IQUB: variants seen among roughly 807,000 people sequenced by gnomAD.
The protein encoded by IQUB is IQ motif and ubiquitin-like domain-containing protein.
In IQUB, 86 loss-of-function variants were observed where a neutral mutation model predicts 86.4. The ratio of observed to expected loss-of-function variants is 1.00; its 90% CI spans 0.84 to 1.19. The LOEUF (loss-of-function observed/expected upper bound fraction) is 1.19, where lower values mean the gene tolerates loss of function less well. Among genes scored for constraint, IQUB ranks in the 50% most tolerant of loss-of-function variants. IQUB has a pLI of 0.00. For missense variants in IQUB, 946 were observed against 916.9 expected (o/e 1.03, Z -0.41); for synonymous variants, 289 against 304.5 (o/e 0.95, Z 0.53).
chr7:123,463,030 T>C (rs112131901), intron 10 of IQUB, among the ~76,000 whole-genome samples: 1 of 151,722 alleles, frequency 6.6e-6, no homozygotes, highest in Admixed American at 6.6e-5. Context: ...CATTCCTTTT[T>C]AAAGCCAGTA....
intron 8 of IQUB, among the ~76,000 whole-genome samples, chr7:123,471,084 T>G (rs183345727): frequency 3.0e-4 from 45 of 152,264 alleles, no homozygotes; most frequent in Admixed American, 2.9e-3. Flanking sequence ...TCAGAAACTT[T>G]AGATTCTCAG....
intron 3 of IQUB, among the ~76,000 whole-genome samples, chr7:123,503,850 G>A (rs1796058184): frequency 6.6e-6 from 1 of 151,938 alleles, no homozygotes; most frequent in Non-Finnish European, 1.5e-5. Flanking sequence ...AAGAGTTTTA[G>A]TGGCATTCTT....
chr7:123,493,347 T>C (rs1795557803), intron 7 of IQUB, among the ~76,000 whole-genome samples: 1 of 152,144 alleles, frequency 6.6e-6, no homozygotes, highest in African/African-American at 2.4e-5. Context: ...AAATCTCTCC[T>C]AGCCCTTCTT....
At chr7:123,515,146 C>T (rs964556910) in intron 1 of IQUB, among the ~76,000 whole-genome samples, 1 of 151,896 alleles carries the variant, frequency 6.6e-6, no homozygotes, top group Non-Finnish European at 1.5e-5. Flanking sequence ...ACAAAAACAC[C>T]ATTTTGATTA....
rs151021271 is a variant in IQUB at position 123,486,268 on chromosome 7, C to T, written c.1235-6298G>A. Among the ~76,000 whole-genome samples the T allele has an allele frequency of 7.9e-5, 12 of 152,264 alleles. No homozygotes were observed. The East Asian group carries it at 2.3e-3, about 29-fold the overall frequency. ...TATGTACCCAACAGTGATAATAATGCTTTCCAACACAGTGACATGCACTGA... is the reference window on the plus strand; with the variant it reads ...TATGTACCCAACAGTGATAATAATGTTTTCCAACACAGTGACATGCACTGA... On this transcript the variant is annotated intron_variant, in intron 7 of 12. Transcript: ENST00000324698.
At chr7:123,462,793 G>A (rs759181821) in intron 10 of IQUB, 2 of 454,428 alleles carry the variant, frequency 4.4e-6, no homozygotes, top group East Asian at 7.0e-5. Flanking sequence ...TATAGATGGA[G>A]CATTTACTAT....
chr7:123,469,237 A>G lies in IQUB; in HGVS notation c.1558T>C (p.Leu520=). 6.3e-7 allele frequency: 1 copy of G among 1,597,710 alleles called. No homozygotes were observed. The highest frequency in any genetic ancestry group is 1.3e-5 in the African/African-American group (1 of 74,636). The change falls in exon 9 of 13, where the codon TTA becomes CTA. Residue 520 remains leucine, a synonymous_variant. Transcript: ENST00000324698. ...ISQDERLDVL[L]TLKHTVKEHE... The stretch of plus-strand genomic sequence containing the variant: ...ACCTTTACAGTGTGTTTAAGAGTTA[A>G]CAGCACATCCAGCCTCTCATCTTGG...
intron 3 of IQUB, 28 bp from the exon 4 acceptor site, chr7:123,503,391 GTT>G: frequency 8.0e-7 from 1 of 1,257,716 alleles, no homozygotes; most frequent in Non-Finnish European, 1.1e-6. Context: ...ATTTTTAAAA[GTT>G]TTATGACAAA....
At chr7:123,531,994 T>G (rs1439044121) in intron 1 of IQUB, among the ~76,000 whole-genome samples, 5 of 152,204 alleles carry the variant, frequency 3.3e-5, no homozygotes, top group Non-Finnish European at 5.9e-5. Flanking sequence ...CTGGCAAAGC[T>G]TCTAGTTAAA....
intron 9 of IQUB, among the ~76,000 whole-genome samples, chr7:123,467,556 CA>C (rs1361673654): frequency 6.6e-6 from 1 of 152,134 alleles, no homozygotes; most frequent in Non-Finnish European, 1.5e-5. Flanking sequence ...TATGTGAAAA[CA>C]AAAATTAAAT....
chr7:123,459,159 A>C (rs1173434569), intron 11 of IQUB, among the ~76,000 whole-genome samples: 1 of 151,982 alleles, frequency 6.6e-6, no homozygotes, highest in Non-Finnish European at 1.5e-5. Context: ...AACCCTACAT[A>C]GATACGGTAC....
chr7:123,507,746 C>A (rs569944223), intron 3 of IQUB, among the ~76,000 whole-genome samples: 2 of 151,828 alleles, frequency 1.3e-5, no homozygotes, highest in African/African-American at 4.8e-5. Flanking sequence ...GGTGGCACAT[C>A]CCTGTAGTCC....
chr7:123,480,146 T>C (rs1794940230), intron 7 of IQUB, among the ~76,000 whole-genome samples, 176 bp from the exon 8 acceptor site: 1 of 152,088 alleles, frequency 6.6e-6, no homozygotes, highest in South Asian at 2.1e-4. Context: ...GCAGAGAGAC[T>C]TAATAAAAGT....
intron 1 of IQUB, among the ~76,000 whole-genome samples, chr7:123,527,964 G>A (rs956168717): frequency 2.6e-4 from 39 of 152,228 alleles, no homozygotes; most frequent in Admixed American, 6.5e-4. Context: ...AGCAATTAGC[G>A]AGACTCCGTG....
chr7:123,475,319 C>T (rs1032247737), intron 8 of IQUB, among the ~76,000 whole-genome samples: 3 of 150,344 alleles, frequency 2.0e-5, no homozygotes, highest in Non-Finnish European at 4.4e-5. Context: ...AAAAATAGAT[C>T]TTCCTTCCTC....
At chr7:123,490,956 C>T (rs998264135) in intron 7 of IQUB, among the ~76,000 whole-genome samples, 4 of 147,560 alleles carry the variant, frequency 2.7e-5, no homozygotes, top group Non-Finnish European at 6.0e-5. Flanking sequence ...AAGAGCAAAA[C>T]ACCATCTTGG....
In IQUB at chr7:123,532,723, G is replaced by A. The variant is rs1459096887; in HGVS notation, c.-5+1769C>T. On this transcript the variant is annotated intron_variant, in intron 1 of 12. Coordinates refer to ENST00000324698, the MANE Select transcript of IQUB (RefSeq NM_178827.5). ...ACACATTGGGCGCTCCGCCCAAGGG[G>A]TCCGGCTCCTTCTCCGCGGCGATGG... 55 of 152,128 alleles carry A rather than the reference G, an allele frequency of 3.6e-4. 2 individuals are homozygous for A. 9.4% of individuals were successfully genotyped at this position (152,128 alleles called of 1,614,324 possible).
chr7:123,469,491 A>G, intron 8 of IQUB, 107 bp from the exon 9 acceptor site: 1 of 522,738 alleles, frequency 1.9e-6, no homozygotes, highest in Non-Finnish European at 3.2e-6. Flanking sequence ...CTTTATAACT[A>G]AAGTATTGCT....
chr7:123,464,787 C>T (rs376122864), intron 10 of IQUB, 46 bp downstream of exon 10: 43 of 1,315,200 alleles, frequency 3.3e-5, no homozygotes, highest in Non-Finnish European at 3.8e-5. Flanking sequence ...TACTATACCA[C>T]ATCTTAGGAT....
Sources: gnomAD v4.1 joint callset for allele counts (sites outside exome capture counted in the v4.1 genomes callset) on GRCh38, gnomAD v4.1.1 for gene constraint, MANE v1.5 for transcripts, NCBI Gene and HGNC (gene_info 2026-07-23, HGNC 2026-07-21) for gene names.